PCCA: variants seen among roughly 807,000 people sequenced by gnomAD.
PCCA encodes propionyl-CoA carboxylase alpha chain, mitochondrial.
In PCCA, 74 loss-of-function variants were observed where a neutral mutation model predicts 101.3. The observed-to-expected ratio is 0.73, with a 90% CI of 0.61 to 0.89. The LOEUF (loss-of-function observed/expected upper bound fraction) is 0.89. PCCA is among the 40% of genes least tolerant of loss of function. The pLI, the probability that PCCA is intolerant of heterozygous loss-of-function variation, is 0.00. For synonymous variants in PCCA, 294 were observed against 313.6 expected, an observed-to-expected ratio of 0.94 and a Z score of 0.66; for missense variants, 891 against 907.0, an observed-to-expected ratio of 0.98 and a Z score of 0.23.
chr13:100,525,892 G>A (rs186278910), intron 22 of PCCA, among the ~76,000 whole-genome samples: 1 of 152,334 alleles, frequency 6.6e-6, no homozygotes, highest in East Asian at 1.9e-4. Flanking sequence ...TGCCCAGAGC[G>A]GGAGAGTGGA....
At chr13:100,354,058 G>C (rs1030894899) in intron 18 of PCCA, among the ~76,000 whole-genome samples, 1 of 145,952 alleles carries the variant, frequency 6.9e-6, no homozygotes, top group Non-Finnish European at 1.5e-5. Context: ...CTAGAAGTTT[G>C]AGACCCCATC....
intron 12 of PCCA, among the ~76,000 whole-genome samples, chr13:100,276,339 C>T (rs140932125): frequency 1.4e-3 from 212 of 150,160 alleles, no homozygotes; most frequent in African/African-American, 5.0e-3. Context: ...CTGCATTCTG[C>T]TTATTTGGAC....
At position 100,302,974 on chromosome 13, in the gene PCCA, C is replaced by T. The variant is rs1289645175; in HGVS notation, c.1260C>T (p.Tyr420=). ...CATCTATTGGGAGATTGTCTCAGTA[C>T]CAAGAACCGTTACATCTACCTGGTG... ...GLPSIGRLSQ[Y]QEPLHLPGVR... The change falls in exon 14 of 24, where the codon TAC becomes TAT. Residue 420 remains tyrosine, a synonymous_variant. Coordinates refer to ENST00000376285, the MANE Select transcript of PCCA (RefSeq NM_000282.4). 3 of 1,603,574 alleles carry T rather than the reference C, an allele frequency of 1.9e-6. No homozygotes were observed. The highest frequency in any genetic ancestry group is 4.5e-5 in the East Asian group (2 of 44,780).
chr13:100,520,297 T>A, intron 22 of PCCA, among the ~76,000 whole-genome samples: 1 of 152,220 alleles, frequency 6.6e-6, no homozygotes, highest in Admixed American at 6.5e-5. Flanking sequence ...AGGTAACGAC[T>A]ACCCCTGGAT....
At chr13:100,092,291 G>A (rs1028891929) in intron 1 of PCCA, among the ~76,000 whole-genome samples, 1 of 152,054 alleles carries the variant, frequency 6.6e-6, no homozygotes, top group African/African-American at 2.4e-5. Context: ...AGGAAACAAA[G>A]CTCAGGGCAG....
intron 4 of PCCA, among the ~76,000 whole-genome samples, chr13:100,152,647 C>T (rs1334337723): frequency 6.6e-6 from 1 of 152,044 alleles, no homozygotes. Context: ...GGGGTTTCAC[C>T]ATGTTAGCCA....
intron 19 of PCCA, among the ~76,000 whole-genome samples, chr13:100,386,382 CT>C (rs200143037): frequency 6.6e-6 from 1 of 151,336 alleles, no homozygotes; most frequent in Non-Finnish European, 1.5e-5. Flanking sequence ...GTGCTGCTTT[CT>C]TTTTTTTTAA....
At chr13:100,432,959 T>C (rs934874588) in intron 20 of PCCA, among the ~76,000 whole-genome samples, 34 of 152,272 alleles carry the variant, frequency 2.2e-4, no homozygotes, top group Admixed American at 1.2e-3. Flanking sequence ...GGTTATAGCA[T>C]GTGACAGGAT....
chr13:100,170,514 C>A (rs1241236138), intron 6 of PCCA, among the ~76,000 whole-genome samples: 1 of 152,214 alleles, frequency 6.6e-6, no homozygotes, highest in Non-Finnish European at 1.5e-5. Context: ...CATTTTGACT[C>A]ATAATATGTG....
intron 11 of PCCA, among the ~76,000 whole-genome samples, chr13:100,271,013 A>AC (rs1160640915): frequency 1.3e-5 from 2 of 151,090 alleles, no homozygotes; most frequent in African/African-American, 4.9e-5. Flanking sequence ...GTTCTCCCCC[A>AC]CCCCCCGAAA....
chr13:100,227,888 T>A (rs1466751551), intron 7 of PCCA, among the ~76,000 whole-genome samples: 2 of 152,218 alleles, frequency 1.3e-5, no homozygotes, highest in African/African-American at 4.8e-5. Context: ...GTACTTTTTG[T>A]TTTCTCAATT....
intron 21 of PCCA, among the ~76,000 whole-genome samples, chr13:100,499,001 AG>A (rs1392955009): frequency 1.1e-4 from 17 of 152,208 alleles, no homozygotes; most frequent in African/African-American, 3.9e-4. Flanking sequence ...GTGGAAGACA[AG>A]ACTTCCACCC....
intron 21 of PCCA, among the ~76,000 whole-genome samples, chr13:100,451,745 C>CCT (rs2081266465): frequency 9.6e-6 from 1 of 104,186 alleles, no homozygotes; most frequent in African/African-American, 4.1e-5. Context: ...TCTCTTCTCT[C>CCT]CTTCCTCTCC....
rs560006142 is a variant in PCCA, at chr13:100,332,429, CAG to C, written c.1540+1759_1540+1760del. Among the ~76,000 whole-genome samples, 164 of 152,108 alleles carry C rather than the reference CAG, an allele frequency of 1.1e-3. 2 individuals are homozygous for C. The highest frequency in any genetic ancestry group is 0.011 in the Admixed American group (161 of 15,272). On this transcript the variant is annotated intron_variant, in intron 17 of 23. Transcript: ENST00000376285. ...TCAGTGATGGTGATAAGATAGGAAA[CAG>C]TGGGCAGAAGGAGAAAACAGGGAAA...
chr13:100,365,194 C>T (rs935676802), intron 18 of PCCA, among the ~76,000 whole-genome samples: 1 of 152,188 alleles, frequency 6.6e-6, no homozygotes, highest in African/African-American at 2.4e-5. Flanking sequence ...AATAAGTTCT[C>T]AGGTACATTG....
intron 12 of PCCA, among the ~76,000 whole-genome samples, chr13:100,294,882 C>T (rs1033436044): frequency 3.9e-5 from 6 of 152,082 alleles, no homozygotes; most frequent in Non-Finnish European, 5.9e-5. Context: ...ATTCTAAGCA[C>T]GAAGAATGTA....
At chr13:100,221,830 CG>C (rs1171728431) in intron 7 of PCCA, among the ~76,000 whole-genome samples, 1 of 150,384 alleles carries the variant, frequency 6.6e-6, no homozygotes, top group Non-Finnish European at 1.5e-5. Context: ...CTCTGCATCC[CG>C]GGTTCAAGCA....
At chr13:100,127,558 G>A (rs1204140444) in intron 4 of PCCA, among the ~76,000 whole-genome samples, 1 of 152,106 alleles carries the variant, frequency 6.6e-6, no homozygotes, top group African/African-American at 2.4e-5. Flanking sequence ...TATTTGGGAA[G>A]GATCAGAAGT....
intron 4 of PCCA, among the ~76,000 whole-genome samples, chr13:100,144,662 A>C (rs1186226944): frequency 6.6e-6 from 1 of 152,198 alleles, no homozygotes; most frequent in Non-Finnish European, 1.5e-5. Context: ...GAAAAAATTT[A>C]AAAGTCCTGA....
Sources: allele counts gnomAD v4.1 joint callset (sites outside exome capture counted in the v4.1 genomes callset), GRCh38; gene constraint gnomAD v4.1.1; transcripts MANE v1.5; gene names NCBI Gene and HGNC (gene_info 2026-07-23, HGNC 2026-07-21).